The following PRSS41 variants were observed in gnomAD, a reference collection of about 807,000 sequenced individuals.
The protein encoded by PRSS41 is protease, serine 41.
In PRSS41, 37 loss-of-function variants were observed where a neutral mutation model predicts 28.8. That is an observed-to-expected ratio of 1.29 (90% confidence interval 0.99 to 1.69). The LOEUF is 1.69. Ranked by LOEUF, PRSS41 falls within the 40% of genes most tolerant of loss-of-function variation. The pLI is 0.00. For missense variants in PRSS41, 431 were observed against 400.7 expected (o/e 1.08, Z -0.65); for synonymous variants, 195 against 163.1 (o/e 1.20, Z -1.49).
At chr16:2,801,852 T>G (rs1202103467) in intron 4 of PRSS41, among the ~76,000 whole-genome samples, 1 of 152,244 alleles carries the variant, frequency 6.6e-6, no homozygotes, top group Non-Finnish European at 1.5e-5. Context: ...AATGAGCTGT[T>G]GGGCACACCT....
At chr16:2,800,611 C>G (rs1181877693) in intron 4 of PRSS41, among the ~76,000 whole-genome samples, 1 of 150,980 alleles carries the variant, frequency 6.6e-6, no homozygotes, top group Non-Finnish European at 1.5e-5. Flanking sequence ...ATTAGTGGAG[C>G]TGGCTGGACT....
At chr16:2,801,703 A>G (rs1159635598) in intron 4 of PRSS41, among the ~76,000 whole-genome samples, 1 of 152,044 alleles carries the variant, frequency 6.6e-6, no homozygotes, top group African/African-American at 2.4e-5. Context: ...AATTTTTCTT[A>G]GTGCAGAACA....
At chr16:2,804,277 G>A in intron 4 of PRSS41, 112 bp from the exon 5 acceptor site, 1 of 1,110,228 alleles carries the variant, frequency 9.0e-7, no homozygotes, top group South Asian at 1.6e-5. Flanking sequence ...GGGTGTTGTG[G>A]GTGTGTCAGG....
At position 2,798,563 on chromosome 16, in the gene PRSS41, C is replaced by G; in HGVS notation, c.64+15C>G. ...CGGGAAGCCGGGTGAGCTCGGGGCG[C>G]TACAGGCGGGACCGGGGGCAGCGAG... On this transcript the variant is annotated intron_variant, in intron 1 of 5. Transcript: ENST00000399677. The G allele has an allele frequency of 1.3e-6, 2 of 1,533,278 alleles. No homozygotes were observed. The allele number at this position is 1,533,278 out of a possible 1,614,324, so 95.0% of individuals were successfully genotyped here. A position where few individuals can be genotyped will look rare whatever the true frequency, so the allele number is the denominator to read the frequency against.
chr16:2,802,558 C>G (rs375171841), intron 4 of PRSS41, among the ~76,000 whole-genome samples: 1 of 152,154 alleles, frequency 6.6e-6, no homozygotes, highest in Non-Finnish European at 1.5e-5. Flanking sequence ...TGTAGCGAGC[C>G]GAGATCACGC....
At chr16:2,803,423 G>T (rs1231595674) in intron 4 of PRSS41, among the ~76,000 whole-genome samples, 5 of 151,770 alleles carry the variant, frequency 3.3e-5, no homozygotes, top group Non-Finnish European at 5.9e-5. Flanking sequence ...AGCTTCAACA[G>T]TATTAAAAAA....
exon 5 of PRSS41, chr16:2,804,474 C>T: frequency 1.9e-6 from 3 of 1,551,620 alleles, no homozygotes; most frequent in East Asian, 2.4e-5. Flanking sequence ...TTGAACAGCC[C>T]TCTAGCCGTA....
intron 5 of PRSS41, 51 bp downstream of exon 5, chr16:2,804,597 T>G: frequency 6.7e-7 from 1 of 1,502,812 alleles, no homozygotes; most frequent in Non-Finnish European, 9.0e-7. Context: ...GCTCTACACC[T>G]GAGAGCAGCT....
intron 4 of PRSS41, among the ~76,000 whole-genome samples, chr16:2,800,767 G>A (rs1937284483): frequency 6.6e-6 from 1 of 152,038 alleles, no homozygotes; most frequent in African/African-American, 2.4e-5. Flanking sequence ...AATAGCAAGT[G>A]GAACTTAGCT....
chr16:2,801,946 C>T (rs1347101974), intron 4 of PRSS41, among the ~76,000 whole-genome samples: 7 of 147,720 alleles, frequency 4.7e-5, no homozygotes, highest in African/African-American at 1.2e-4. Flanking sequence ...ACCTCCCGGA[C>T]GGGGCGGCTG....
intron 4 of PRSS41, among the ~76,000 whole-genome samples, chr16:2,802,896 G>A (rs993076881): frequency 6.8e-6 from 1 of 146,186 alleles, no homozygotes; most frequent in African/African-American, 2.8e-5. Context: ...GGAGAGGGAC[G>A]TTCTTGGACT....
chr16:2,804,509 G>T (rs1366838831), exon 5 of PRSS41: 1 of 1,551,294 alleles, frequency 6.4e-7, no homozygotes. Context: ...TCCATGTTTT[G>T]TGCTGGTGCT....
exon 4 of PRSS41, chr16:2,799,315 A>G (rs1596308998): frequency 1.3e-6 from 2 of 1,551,430 alleles, no homozygotes; most frequent in Admixed American, 2.0e-5. Flanking sequence ...TGGACGGTCC[A>G]GCTGGGCGAG....
At chr16:2,800,336 T>C (rs1416195254) in intron 4 of PRSS41, among the ~76,000 whole-genome samples, 1 of 151,318 alleles carries the variant, frequency 6.6e-6, no homozygotes, top group Non-Finnish European at 1.5e-5. Flanking sequence ...AGGTCAGGAG[T>C]TCGAGACCAG....
At chr16:2,805,083 C>T in exon 6 of PRSS41, 16 of 1,551,910 alleles carry the variant, frequency 1.0e-5, no homozygotes, top group Non-Finnish European at 1.4e-5. Flanking sequence ...ACACCCAGGC[C>T]AAACCCCTCC....
intron 4 of PRSS41, among the ~76,000 whole-genome samples, chr16:2,803,847 T>C (rs1277635304): frequency 1.3e-5 from 2 of 152,252 alleles, no homozygotes; most frequent in Non-Finnish European, 2.9e-5. Context: ...TTGCTGAGGA[T>C]CCCTTGTCCT....
chr16:2,798,902 G>A (rs1055749257), intron 2 of PRSS41, 57 bp from the exon 3 acceptor site: 15 of 1,470,418 alleles, frequency 1.0e-5, no homozygotes, highest in Non-Finnish European at 1.3e-5. Flanking sequence ...CGGGCAGGGC[G>A]GGCCTGCCCA....
intron 4 of PRSS41, among the ~76,000 whole-genome samples, chr16:2,802,743 T>C (rs1054087972): frequency 1.3e-5 from 2 of 152,172 alleles, no homozygotes; most frequent in Non-Finnish European, 2.9e-5. Flanking sequence ...TGGCGGCGCA[T>C]GCCTGCAATC....
At chr16:2,804,016 G>A (rs1282989502) in intron 4 of PRSS41, among the ~76,000 whole-genome samples, 1 of 152,134 alleles carries the variant, frequency 6.6e-6, no homozygotes, top group African/African-American at 2.4e-5. Flanking sequence ...AATATGGCAA[G>A]TTTTGACCTG....
Sources: gnomAD v4.1 joint callset for allele counts (sites outside exome capture counted in the v4.1 genomes callset) on GRCh38, gnomAD v4.1.1 for gene constraint, MANE v1.5 for transcripts, NCBI Gene and HGNC (gene_info 2026-07-23, HGNC 2026-07-21) for gene names.